The following NKAIN2 variants were observed in gnomAD, a reference collection of about 807,000 sequenced individuals.
NKAIN2 encodes the protein sodium/potassium transporting ATPase interacting 2, also known as sodium/potassium-transporting ATPase subunit beta-1-interacting protein 2.
A neutral mutation model predicts 32.6 loss-of-function variants in NKAIN2; 14 were observed. The ratio of observed to expected loss-of-function variants is 0.43; its 90% CI spans 0.28 to 0.67. NKAIN2 has a LOEUF of 0.67. NKAIN2 is among the 30% of genes least tolerant of loss of function. The pLI is 0.17. For synonymous variants in NKAIN2, 80 were observed against 87.2 expected (o/e 0.92, Z 0.46); for missense variants, 198 against 258.3 (o/e 0.77, Z 1.60).
chr6:124,175,204 G>T (rs1789095176), intron 1 of NKAIN2, among the ~76,000 whole-genome samples: 1 of 152,058 alleles, frequency 6.6e-6, no homozygotes, highest in Non-Finnish European at 1.5e-5. Flanking sequence ...TCATTGCATA[G>T]ACAGCGTGAA....
intron 3 of NKAIN2, among the ~76,000 whole-genome samples, chr6:124,655,917 G>A (rs556504426): frequency 1.1e-4 from 17 of 152,070 alleles, no homozygotes; most frequent in South Asian, 2.1e-4. Flanking sequence ...GAGGTTTACC[G>A]AGACCTTGAG....
intron 3 of NKAIN2, among the ~76,000 whole-genome samples, chr6:124,384,230 C>G (rs1583164942): frequency 6.6e-6 from 1 of 152,046 alleles, no homozygotes; most frequent in African/African-American, 2.4e-5. Flanking sequence ...AACTTGGTAA[C>G]CTTGTTCGCT....
chr6:124,694,360 AC>A, intron 4 of NKAIN2, among the ~76,000 whole-genome samples: 1 of 152,052 alleles, frequency 6.6e-6, no homozygotes, highest in Non-Finnish European at 1.5e-5. Context: ...CATTAAATCC[AC>A]CCCCCAACCC....
intron 2 of NKAIN2, among the ~76,000 whole-genome samples, chr6:124,345,839 T>C (rs1798395019): frequency 1.3e-5 from 2 of 152,180 alleles, no homozygotes; most frequent in African/African-American, 4.8e-5. Context: ...TTTCCTTCAG[T>C]TGTGTTCTGA....
intron 3 of NKAIN2, among the ~76,000 whole-genome samples, chr6:124,475,365 C>G (rs1159743869): frequency 6.6e-6 from 1 of 152,094 alleles, no homozygotes. Flanking sequence ...CATATTATCA[C>G]CTTCTGAAAT....
At chr6:123,830,487 A>G (rs1441105902) in intron 1 of NKAIN2, among the ~76,000 whole-genome samples, 2 of 151,904 alleles carry the variant, frequency 1.3e-5, no homozygotes, top group African/African-American at 4.8e-5. Flanking sequence ...TCTCCGTGCT[A>G]CCCTCTGCCA....
intron 1 of NKAIN2, among the ~76,000 whole-genome samples, chr6:124,235,757 C>T (rs185637453): frequency 8.6e-5 from 13 of 151,928 alleles, no homozygotes; most frequent in African/African-American, 2.7e-4. Flanking sequence ...CGTGACCACT[C>T]CCAGCTAGTT....
At chr6:124,188,618 T>A (rs897407241) in intron 1 of NKAIN2, among the ~76,000 whole-genome samples, 9 of 152,230 alleles carry the variant, frequency 5.9e-5, no homozygotes, top group Admixed American at 5.2e-4. Context: ...GACATAGTTC[T>A]TTCTGTGTTG....
chr6:124,760,445 T>C (rs1778209209), intron 4 of NKAIN2, among the ~76,000 whole-genome samples: 1 of 147,412 alleles, frequency 6.8e-6, no homozygotes, highest in Non-Finnish European at 1.5e-5. Flanking sequence ...CATCTCCTCT[T>C]GAGCCAGATT....
chr6:124,701,875 C>T (rs1774809369), intron 4 of NKAIN2, among the ~76,000 whole-genome samples: 1 of 151,984 alleles, frequency 6.6e-6, no homozygotes, highest in Non-Finnish European at 1.5e-5. Flanking sequence ...TTAATAAAGA[C>T]ATCACAAATT....
chr6:124,522,959 C>T lies in NKAIN2; in HGVS notation c.274-135227C>T, dbSNP rs866451450. The stretch of plus-strand genomic sequence containing the variant: ...GAGATCGAGACCATCCCGGCTAAAA[C>T]GGTGAAACCCCGTCTCTACTAAAAA... On this transcript the variant is annotated intron_variant, in intron 3 of 6. Coordinates refer to ENST00000368417, the MANE Select transcript of NKAIN2 (RefSeq NM_001040214.3). 6.7e-4 allele frequency among the ~76,000 whole-genome samples: 101 copies of T among 150,002 alleles called. 2 individuals carry two copies. The South Asian group carries it at 0.019, about 29-fold the overall frequency.
chr6:124,661,133 G>A (rs1562311439), intron 4 of NKAIN2, among the ~76,000 whole-genome samples: 1 of 152,180 alleles, frequency 6.6e-6, no homozygotes, highest in Non-Finnish European at 1.5e-5. Flanking sequence ...ATACAGCAAC[G>A]TTCCCCAAAG....
chr6:124,234,391 T>C (rs1015973563), intron 1 of NKAIN2, among the ~76,000 whole-genome samples: 4 of 152,184 alleles, frequency 2.6e-5, no homozygotes, highest in Non-Finnish European at 4.4e-5. Flanking sequence ...AAAGACCTTA[T>C]TGGTGGTGTC....
intron 1 of NKAIN2, among the ~76,000 whole-genome samples, chr6:124,080,716 A>T (rs1278234082): frequency 6.6e-6 from 1 of 150,734 alleles, no homozygotes; most frequent in Admixed American, 6.6e-5. Context: ...ACACAAACAC[A>T]CACGACTACT....
intron 5 of NKAIN2, among the ~76,000 whole-genome samples, chr6:124,815,219 T>C (rs1562400348): frequency 9.7e-6 from 1 of 103,238 alleles, no homozygotes; most frequent in Admixed American, 9.9e-5. Flanking sequence ...TTAAACTATA[T>C]ATATACATAT....
chr6:124,534,460 T>C (rs1315717764), intron 3 of NKAIN2, among the ~76,000 whole-genome samples: 1 of 152,236 alleles, frequency 6.6e-6, no homozygotes, highest in East Asian at 1.9e-4. Context: ...TTAGTAGTTT[T>C]GTTTTCTATA....
At chr6:124,516,602 A>C (rs1043089138) in intron 3 of NKAIN2, among the ~76,000 whole-genome samples, 2 of 152,152 alleles carry the variant, frequency 1.3e-5, no homozygotes, top group Non-Finnish European at 2.9e-5. Context: ...AGACATTTAC[A>C]TTTGCCTCTC....
chr6:124,178,454 T>C (rs1047681141), intron 1 of NKAIN2, among the ~76,000 whole-genome samples: 2 of 151,768 alleles, frequency 1.3e-5, no homozygotes, highest in African/African-American at 4.8e-5. Context: ...CCCGCCACCA[T>C]GCCCGGCTAA....
chr6:124,151,031 T>C (rs987126024), intron 1 of NKAIN2, among the ~76,000 whole-genome samples: 4 of 152,120 alleles, frequency 2.6e-5, no homozygotes, highest in African/African-American at 9.6e-5. Flanking sequence ...ATTGAAACTA[T>C]TTGTTCATAT....
Sources: gnomAD v4.1 joint callset for allele counts (sites outside exome capture counted in the v4.1 genomes callset) on GRCh38, gnomAD v4.1.1 for gene constraint, MANE v1.5 for transcripts, NCBI Gene and HGNC (gene_info 2026-07-23, HGNC 2026-07-21) for gene names.